Variants in RCL1 observed in about 807,000 individuals in gnomAD.
RCL1 encodes the protein RNA 3'-terminal phosphate cyclase-like protein.
RCL1 carries 24 observed loss-of-function variants against 42.4 expected under a neutral mutation model. That is an observed-to-expected ratio of 0.57 (90% confidence interval 0.41 to 0.80). The LOEUF (loss-of-function observed/expected upper bound fraction) is 0.80. RCL1 is among the 30% of genes least tolerant of loss of function. The pLI, the probability that RCL1 is intolerant of heterozygous loss-of-function variation, is 0.00. For missense variants in RCL1, 578 were observed against 467.9 expected, an observed-to-expected ratio of 1.24 and a Z score of -2.17; for synonymous variants, 228 against 177.3, an observed-to-expected ratio of 1.29 and a Z score of -2.27.
chr9:4,845,242 G>A (rs295258), intron 7 of RCL1, among the ~76,000 whole-genome samples: 99,390 of 152,132 alleles, frequency 0.65, 32,625 homozygotes, highest in Admixed American at 0.7. Context: ...AATAACTAGG[G>A]AAGGCAGGCC....
rs377073783 is a variant in RCL1, at chr9:4,826,985, G to A, written c.336G>A (p.Pro112=). 1.1e-5 allele frequency: 17 copies of A among 1,614,018 alleles called. No individual in the cohort carries two copies. Among genetic ancestry groups the A allele is most frequent in the African/African-American group, 8.0e-5 (6 of 74,898 alleles). Reference sequence around the variant, plus strand: ...GCTTGGCTCCATTTATGAAGCACCCGTTAAAAATAGTTCTACGAGGAGTGA... The same window carrying A: ...GCTTGGCTCCATTTATGAAGCACCCATTAAAAATAGTTCTACGAGGAGTGA... ...LLCLAPFMKH[P]LKIVLRGVTN... Residue 112 remains proline, a synonymous_variant, in exon 3 of 9, where the codon CCG becomes CCA. Coordinates refer to ENST00000381750, the MANE Select transcript of RCL1 (RefSeq NM_005772.5).
chr9:4,832,841 C>G (rs1008830757), intron 3 of RCL1, among the ~76,000 whole-genome samples: 2 of 149,032 alleles, frequency 1.3e-5, no homozygotes, highest in Admixed American at 1.3e-4. Flanking sequence ...GTAGGGTTCT[C>G]CATTTGTTTT....
chr9:4,850,064 G>T (rs1186929268), intron 8 of RCL1, among the ~76,000 whole-genome samples: 1 of 152,224 alleles, frequency 6.6e-6, no homozygotes, highest in Non-Finnish European at 1.5e-5. Flanking sequence ...CTGCTGTGGT[G>T]TAAAAGCAAG....
intron 3 of RCL1, among the ~76,000 whole-genome samples, chr9:4,829,934 C>T (rs1488455101): frequency 6.6e-6 from 1 of 152,204 alleles, no homozygotes; most frequent in Admixed American, 6.5e-5. Context: ...TTTAAGCTTC[C>T]TCTCTGCCCT....
In RCL1 at chr9:4,854,823, G is replaced by A. The variant is rs377535593; in HGVS notation, c.971+5273G>A. Among the ~76,000 whole-genome samples, 74 of 152,224 alleles carry A rather than the reference G, an allele frequency of 4.9e-4. No individual in the cohort carries two copies. The East Asian group carries it at 7.5e-3, about 15-fold the overall frequency. ...TGTAATCCCAGCACTTTGGGAGGCC[G>A]AGGCGGGTAGATCACGAGGTCAGGA... On this transcript the variant is annotated intron_variant, in intron 8 of 8. Coordinates refer to ENST00000381750, the MANE Select transcript of RCL1 (RefSeq NM_005772.5).
chr9:4,841,440 G>A, intron 6 of RCL1, 83 bp downstream of exon 6: 1 of 1,081,370 alleles, frequency 9.2e-7, no homozygotes, highest in Admixed American at 1.9e-5. Flanking sequence ...CCAGCTCTGA[G>A]GTTGCGCAGC....
chr9:4,856,345 CA>C (rs1302809420), intron 8 of RCL1, among the ~76,000 whole-genome samples: 1 of 152,148 alleles, frequency 6.6e-6, no homozygotes, highest in Non-Finnish European at 1.5e-5. Flanking sequence ...AATTGTTTCT[CA>C]AAATTACCCC....
rs1344248187 is a variant in RCL1 at position 4,860,987 on chromosome 9, C to G, written c.*712C>G. ...AATAGCTCTGTGATGTAAGTGCTAT[C>G]TCCATGAGAAAATTCATAAAGGGTG... On this transcript the variant is annotated 3_prime_UTR_variant, in exon 9 of 9. Transcript: ENST00000381750. 6.6e-6 allele frequency: 1 copy of G among 152,184 alleles called. No homozygotes were observed. The highest frequency in any genetic ancestry group is 1.5e-5 in the Non-Finnish European group (1 of 68,032). The allele number at this position is 152,184 out of a possible 1,614,324, so 9.4% of individuals were successfully genotyped here.
At chr9:4,851,018 TC>T (rs1216194929) in intron 8 of RCL1, among the ~76,000 whole-genome samples, 1 of 152,208 alleles carries the variant, frequency 6.6e-6, no homozygotes, top group Non-Finnish European at 1.5e-5. Context: ...ATGTTTTTTT[TC>T]GTGACACTTT....
intron 1 of RCL1, among the ~76,000 whole-genome samples, chr9:4,794,191 C>G (rs1313982314): frequency 6.6e-6 from 1 of 152,218 alleles, no homozygotes; most frequent in African/African-American, 2.4e-5. Context: ...TTTCATTTTG[C>G]ACTGGCTCTT....
At chr9:4,855,417 C>T (rs1468046193) in intron 8 of RCL1, among the ~76,000 whole-genome samples, 3 of 151,882 alleles carry the variant, frequency 2.0e-5, no homozygotes, top group Non-Finnish European at 4.4e-5. Flanking sequence ...TGTGAATCTC[C>T]AGTGTAGTGC....
chr9:4,816,296 G>T (rs559935544), intron 1 of RCL1, among the ~76,000 whole-genome samples: 2 of 152,262 alleles, frequency 1.3e-5, no homozygotes, highest in Non-Finnish European at 2.9e-5. Context: ...GACACTTTCA[G>T]TGTAGTCTTT....
chr9:4,841,344 G>A lies in RCL1; in HGVS notation c.697G>A (p.Val233Ile). Residue 233 changes from valine (V) to isoleucine (I), a missense_variant, in exon 6 of 9, where the codon GTC becomes ATC. Coordinates refer to ENST00000381750, the MANE Select transcript of RCL1 (RefSeq NM_005772.5). ...TATTTACACAGATCACATGAAAGGA[G>A]TCAACTCTGGGAAGTAAGTATCTGT... ...IYIYTDHMKG[V>I]NSGKSPGFGL... 1.2e-6 allele frequency: 2 copies of A among 1,612,102 alleles called. No homozygotes were observed. Among genetic ancestry groups the A allele is most frequent in the Non-Finnish European group, 1.7e-6 (2 of 1,178,326 alleles).
chr9:4,795,866 G>A (rs577113382), intron 1 of RCL1, among the ~76,000 whole-genome samples: 1 of 152,272 alleles, frequency 6.6e-6, no homozygotes, highest in South Asian at 2.1e-4. Context: ...GAAGCTGGTT[G>A]CCCCTGTTCT....
intron 1 of RCL1, among the ~76,000 whole-genome samples, chr9:4,797,100 C>T (rs920792604): frequency 9.2e-5 from 14 of 152,158 alleles, no homozygotes; most frequent in African/African-American, 2.7e-4. Flanking sequence ...CTGCCTTTCG[C>T]TATTAGCTCT....
At chr9:4,850,482 C>CTTTTT (rs112829690) in intron 8 of RCL1, 9 of 114,578 alleles carry the variant, frequency 7.9e-5, no homozygotes, top group East Asian at 4.7e-4. Context: ...CTTATGGAGG[C>CTTTTT]TTTTTTTTTT....
intron 1 of RCL1, among the ~76,000 whole-genome samples, chr9:4,820,476 A>G (rs1215336360): frequency 6.6e-6 from 1 of 152,186 alleles, no homozygotes; most frequent in Non-Finnish European, 1.5e-5. Flanking sequence ...CTTTATGCCC[A>G]TTCTCTTTCT....
intron 3 of RCL1, among the ~76,000 whole-genome samples, chr9:4,832,857 A>G (rs369365108): frequency 1.8e-4 from 27 of 151,762 alleles, no homozygotes; most frequent in Admixed American, 1.7e-3. Context: ...GTTTTCTACA[A>G]CAGTCCAGTC....
intron 1 of RCL1, among the ~76,000 whole-genome samples, chr9:4,803,510 T>C (rs142448978): frequency 9.2e-5 from 14 of 152,306 alleles, no homozygotes; most frequent in African/African-American, 3.4e-4. Context: ...AGTCACCTGC[T>C]TGGTGTTTTC....
Sources: gnomAD v4.1 joint callset for allele counts (sites outside exome capture counted in the v4.1 genomes callset) on GRCh38, gnomAD v4.1.1 for gene constraint, MANE v1.5 for transcripts, NCBI Gene and HGNC (gene_info 2026-07-23, HGNC 2026-07-21) for gene names.